Variants in AKT3 observed in about 807,000 individuals in gnomAD.
AKT3 encodes the protein AKT serine/threonine kinase 3, also known as RAC-gamma serine/threonine-protein kinase.
Under a neutral mutation model 65.3 loss-of-function variants are expected in AKT3, and 15 were observed. That is an observed-to-expected ratio of 0.23 (90% CI 0.15 to 0.35). The LOEUF (loss-of-function observed/expected upper bound fraction) is 0.35, where lower values mean the gene tolerates loss of function less well. Ranked by LOEUF, AKT3 falls within the 10% of genes least tolerant of loss-of-function variation. The pLI, the probability that AKT3 is intolerant of heterozygous loss-of-function variation, is 1.00. For synonymous variants in AKT3, 206 were observed against 183.8 expected, an observed-to-expected ratio of 1.12 and a Z score of -0.98; for missense variants, 243 against 576.5, an observed-to-expected ratio of 0.42 and a Z score of 5.92.
At chr1:243,524,654 A>G (rs939118325) in intron 12 of AKT3, among the ~76,000 whole-genome samples, 1 of 152,248 alleles carries the variant, frequency 6.6e-6, no homozygotes, top group African/African-American at 2.4e-5. Flanking sequence ...ACTTCCTTGC[A>G]TGAATACAAA....
intron 2 of AKT3, among the ~76,000 whole-genome samples, chr1:243,726,746 TTA>T (rs1280500940): frequency 6.6e-6 from 1 of 152,188 alleles, no homozygotes; most frequent in Non-Finnish European, 1.5e-5. Context: ...AGAATCAAAC[TTA>T]TGTTTTTATT....
intron 2 of AKT3, among the ~76,000 whole-genome samples, chr1:243,711,525 A>G (rs1686158613): frequency 6.6e-6 from 1 of 152,166 alleles, no homozygotes; most frequent in Non-Finnish European, 1.5e-5. Context: ...ATCTGTGACC[A>G]TTCTCTCAAA....
intron 8 of AKT3, among the ~76,000 whole-genome samples, chr1:243,594,596 G>A (rs1475438294): frequency 6.6e-6 from 1 of 152,094 alleles, no homozygotes; most frequent in Non-Finnish European, 1.5e-5. Context: ...TTCAACAGAG[G>A]TACCCAAGTC....
intron 4 of AKT3, among the ~76,000 whole-genome samples, chr1:243,652,987 T>C (rs1681489925): frequency 1.3e-5 from 2 of 151,480 alleles, no homozygotes; most frequent in Admixed American, 1.3e-4. Flanking sequence ...CAAAGAGACT[T>C]AGACTCCCAC....
At chr1:243,521,531 G>A (rs547791736) in intron 12 of AKT3, among the ~76,000 whole-genome samples, 1 of 152,300 alleles carries the variant, frequency 6.6e-6, no homozygotes, top group South Asian at 2.1e-4. Flanking sequence ...TGTATGCTAA[G>A]CTGTGCCATA....
At chr1:243,815,796 T>TTGTTGTTGTTGTTGTTGTTGC (rs1422653990) in intron 2 of AKT3, among the ~76,000 whole-genome samples, 1 of 151,738 alleles carries the variant, frequency 6.6e-6, no homozygotes, top group Non-Finnish European at 1.5e-5. Flanking sequence ...GTTGTTGTTG[T>TTGTTGTTGTTGTTGTTGTTGC]TGTAGAGATG....
intron 8 of AKT3, among the ~76,000 whole-genome samples, chr1:243,582,655 A>G (rs1340964825): frequency 6.6e-6 from 1 of 152,206 alleles, no homozygotes; most frequent in African/African-American, 2.4e-5. Context: ...ACAAAAATGC[A>G]TGTAAGTACA....
intron 8 of AKT3, among the ~76,000 whole-genome samples, chr1:243,596,659 G>C (rs1676637958): frequency 6.6e-6 from 1 of 152,090 alleles, no homozygotes; most frequent in South Asian, 2.1e-4. Context: ...TGACACAACA[G>C]TTTTAAATTT....
At chr1:243,572,546 G>C (rs1422114890) in intron 9 of AKT3, among the ~76,000 whole-genome samples, 1 of 152,114 alleles carries the variant, frequency 6.6e-6, no homozygotes, top group Non-Finnish European at 1.5e-5. Context: ...ACCACCCAAA[G>C]TTAATGCTAA....
At chr1:243,803,628 G>T (rs1348408986) in intron 2 of AKT3, among the ~76,000 whole-genome samples, 1 of 144,770 alleles carries the variant, frequency 6.9e-6, no homozygotes, top group African/African-American at 2.6e-5. Context: ...GTTTGTTACA[G>T]AACAAAGACG....
chr1:243,716,032 T>C (rs1686492197), intron 2 of AKT3, among the ~76,000 whole-genome samples: 1 of 152,150 alleles, frequency 6.6e-6, no homozygotes, highest in Non-Finnish European at 1.5e-5. Flanking sequence ...ACCATTTTGA[T>C]TATATCAATG....
chr1:243,719,536 G>A (rs141118405), intron 2 of AKT3, among the ~76,000 whole-genome samples: 1 of 152,294 alleles, frequency 6.6e-6, no homozygotes, highest in East Asian at 1.9e-4. Context: ...ACTGTTGAGT[G>A]TATCAGTGAA....
intron 9 of AKT3, among the ~76,000 whole-genome samples, chr1:243,566,650 T>C (rs1674182390): frequency 6.6e-6 from 1 of 152,184 alleles, no homozygotes; most frequent in Admixed American, 6.5e-5. Context: ...CCTTATTCAC[T>C]GTGTGACCTT....
intron 6 of AKT3, among the ~76,000 whole-genome samples, chr1:243,635,799 T>C (rs1679930765): frequency 6.6e-6 from 1 of 152,074 alleles, no homozygotes; most frequent in Non-Finnish European, 1.5e-5. Context: ...CAAAATCATT[T>C]CTTCCCTGAT....
upstream of AKT3, among the ~76,000 whole-genome samples, chr1:243,850,843 G>A (rs1412372831): frequency 4.6e-5 from 7 of 152,000 alleles, no homozygotes; most frequent in Non-Finnish European, 7.4e-5. Flanking sequence ...AGTCGCTCCC[G>A]GGCGGGAAGT....
At chr1:243,835,442 A>G (rs895449847) in intron 2 of AKT3, among the ~76,000 whole-genome samples, 1 of 152,214 alleles carries the variant, frequency 6.6e-6, no homozygotes, top group African/African-American at 2.4e-5. Context: ...TTATTTATCC[A>G]TATAACAAAC....
At chr1:243,813,823 G>A (rs534992560) in intron 2 of AKT3, among the ~76,000 whole-genome samples, 1 of 152,276 alleles carries the variant, frequency 6.6e-6, no homozygotes, top group African/African-American at 2.4e-5. Flanking sequence ...AGAGTATATG[G>A]ACTGGGCACA....
At chr1:243,659,147 A>G (rs1251687368) in intron 4 of AKT3, among the ~76,000 whole-genome samples, 1 of 152,250 alleles carries the variant, frequency 6.6e-6, no homozygotes, top group African/African-American at 2.4e-5. Flanking sequence ...AAGACATTAT[A>G]CTAAGGGAAG....
intron 13 of AKT3, among the ~76,000 whole-genome samples, chr1:243,508,837 TG>T (rs1458556954): frequency 1.3e-5 from 2 of 151,858 alleles, no homozygotes; most frequent in African/African-American, 4.8e-5. Context: ...GGCTAATTTT[TG>T]TATTTTTTTT....
Sources: allele counts gnomAD v4.1 joint callset (sites outside exome capture counted in the v4.1 genomes callset), GRCh38; gene constraint gnomAD v4.1.1; transcripts MANE v1.5; gene names NCBI Gene and HGNC (gene_info 2026-07-23, HGNC 2026-07-21).